MBOAT2: variants seen among roughly 807,000 people sequenced by gnomAD.
MBOAT2 encodes the protein membrane bound glycerophospholipid O-acyltransferase 2, also known as membrane-bound glycerophospholipid O-acyltransferase 2.
A neutral mutation model predicts 63.4 loss-of-function variants in MBOAT2; 28 were observed. That is an observed-to-expected ratio of 0.44 (90% CI 0.33 to 0.61). MBOAT2 has a LOEUF of 0.61. Ranked by LOEUF, MBOAT2 falls within the 20% of genes least tolerant of loss-of-function variation. MBOAT2 has a pLI of 0.03. For synonymous variants in MBOAT2, 211 were observed against 215.6 expected (o/e 0.98, Z 0.19); for missense variants, 470 against 605.8 (o/e 0.78, Z 2.35).
chr2:8,945,280 T>C (rs1315774547), intron 2 of MBOAT2, among the ~76,000 whole-genome samples: 1 of 152,174 alleles, frequency 6.6e-6, no homozygotes, highest in South Asian at 2.1e-4. Context: ...ACAACAAGCA[T>C]TCAGTTGCTT....
intron 4 of MBOAT2, among the ~76,000 whole-genome samples, chr2:8,901,349 C>T (rs1333267173): frequency 6.6e-6 from 1 of 152,136 alleles, no homozygotes; most frequent in Non-Finnish European, 1.5e-5. Context: ...GTGGCCCTTA[C>T]CGACGCATTC....
At chr2:8,911,028 G>T (rs1558604614) in intron 3 of MBOAT2, among the ~76,000 whole-genome samples, 1 of 152,196 alleles carries the variant, frequency 6.6e-6, no homozygotes, top group Non-Finnish European at 1.5e-5. Flanking sequence ...TCAAGGAACT[G>T]ATCACACATA....
intron 9 of MBOAT2, among the ~76,000 whole-genome samples, chr2:8,864,833 C>T (rs1434312176): frequency 2.0e-5 from 3 of 152,180 alleles, no homozygotes; most frequent in East Asian, 3.9e-4. Flanking sequence ...CATCTCCCAC[C>T]CTGTCTACTT....
intron 3 of MBOAT2, among the ~76,000 whole-genome samples, chr2:8,917,218 T>C (rs1332940708): frequency 6.6e-6 from 1 of 152,162 alleles, no homozygotes; most frequent in Non-Finnish European, 1.5e-5. Flanking sequence ...ACAGGTTTCT[T>C]AGTAAAAGAT....
At chr2:8,969,394 C>A (rs1403895471) in intron 1 of MBOAT2, among the ~76,000 whole-genome samples, 2 of 152,162 alleles carry the variant, frequency 1.3e-5, no homozygotes, top group East Asian at 1.9e-4. Flanking sequence ...AGAGGAACAA[C>A]CAGTACTAGC....
At chr2:8,878,323 A>G (rs978840196) in intron 6 of MBOAT2, among the ~76,000 whole-genome samples, 1 of 152,228 alleles carries the variant, frequency 6.6e-6, no homozygotes, top group Non-Finnish European at 1.5e-5. Context: ...TTTAAAAAAA[A>G]CAGCTGCATT....
chr2:8,988,262 A>C (rs140830608), intron 1 of MBOAT2, among the ~76,000 whole-genome samples: 14 of 152,320 alleles, frequency 9.2e-5, no homozygotes, highest in African/African-American at 3.1e-4. Context: ...GTCAGTGACC[A>C]TCTGATAGCC....
intron 1 of MBOAT2, among the ~76,000 whole-genome samples, chr2:9,001,470 T>C (rs1672685888): frequency 6.6e-6 from 1 of 152,196 alleles, no homozygotes; most frequent in Non-Finnish European, 1.5e-5. Flanking sequence ...ATAGGAATTG[T>C]TCAGCTCCAT....
Position 9,003,106 on chromosome 2 carries a change from C to A in MBOAT2, c.75+434G>T, listed in dbSNP as rs1039785036. Among the ~76,000 whole-genome samples the A allele has an allele frequency of 1.3e-5, 2 of 152,036 alleles. No homozygotes were observed. The highest frequency in any genetic ancestry group is 1.9e-4 in the East Asian group (1 of 5,158). ...TCCGGGGGTCGCTCAGAGGCGCGCG[C>A]GGGGCAGGCAGCACCACGCCAGGCT... On this transcript the variant is annotated intron_variant, in intron 1 of 12. Transcript: ENST00000305997. This position sits in a 1 kb window ranked among gnomAD's most constrained non-coding sequence, Gnocchi z 5.4.
At chr2:8,868,333 T>C in intron 9 of MBOAT2, 113 bp downstream of exon 9, 1 of 813,828 alleles carries the variant, frequency 1.2e-6, no homozygotes, top group Non-Finnish European at 2.0e-6. Context: ...AAAGAATGAG[T>C]GTTAATATTA....
In MBOAT2 at chr2:8,929,329, T is replaced by TTC; in HGVS notation, c.299+13857_299+13858insGA. Among the ~76,000 whole-genome samples the TTC allele has an allele frequency of 2.0e-5, 3 of 146,900 alleles. No homozygotes were observed. The South Asian group carries it at 6.4e-4, about 31-fold the overall frequency. ...CCATGGCTCTTACATTTTATTTATT[T>TTC]GTTCATTCATTCATTCATTCATTCA... On this transcript the variant is annotated intron_variant, in intron 3 of 12. Transcript: ENST00000305997.
chr2:8,917,928 A>C (rs1217347890), intron 3 of MBOAT2, among the ~76,000 whole-genome samples: 1 of 152,250 alleles, frequency 6.6e-6, no homozygotes, highest in East Asian at 1.9e-4. Flanking sequence ...AACAGGGATG[A>C]GTTTTTTAAA....
At chr2:8,902,445 C>T (rs769623287) in intron 4 of MBOAT2, among the ~76,000 whole-genome samples, 17 of 152,104 alleles carry the variant, frequency 1.1e-4, no homozygotes, top group African/African-American at 1.7e-4. Context: ...ATGGTGTGTC[C>T]GGAGTTTGTT....
intron 4 of MBOAT2, among the ~76,000 whole-genome samples, chr2:8,895,033 CTTCATGGTGAGTGTTACCGCCTCATAAA>C (rs1187846974): frequency 1.2e-4 from 18 of 152,350 alleles, no homozygotes; most frequent in African/African-American, 4.1e-4. Context: ...AGCTGCAGAC[CTTCATGGTGAGTGTTACCGCCTCATAAA>C]GGCGGTGGGG....
intron 3 of MBOAT2, among the ~76,000 whole-genome samples, chr2:8,909,426 C>G (rs898522585): frequency 6.6e-6 from 1 of 151,766 alleles, no homozygotes; most frequent in East Asian, 1.9e-4. Flanking sequence ...CATCTCACAC[C>G]GAAACAATTC....
chr2:8,863,745 C>G (rs951353409), intron 10 of MBOAT2, among the ~76,000 whole-genome samples: 20 of 152,102 alleles, frequency 1.3e-4, no homozygotes, highest in Admixed American at 5.9e-4. Context: ...GTTTGTTTCC[C>G]TTGCCTAACA....
chr2:8,946,594 G>A (rs552908305), intron 2 of MBOAT2, among the ~76,000 whole-genome samples: 12 of 152,242 alleles, frequency 7.9e-5, no homozygotes, highest in South Asian at 2.1e-4. Flanking sequence ...CCAATAGCAC[G>A]TGCTGAGACT....
intron 5 of MBOAT2, among the ~76,000 whole-genome samples, 164 bp downstream of exon 5, chr2:8,887,854 A>AAAGC (rs1365741459): frequency 1.3e-5 from 2 of 152,230 alleles, no homozygotes; most frequent in African/African-American, 4.8e-5. Context: ...GGAAAGCAAG[A>AAAGC]AAGCAAGCAT....
At chr2:8,985,391 AC>A (rs1671497689) in intron 1 of MBOAT2, among the ~76,000 whole-genome samples, 1 of 152,112 alleles carries the variant, frequency 6.6e-6, no homozygotes, top group Non-Finnish European at 1.5e-5. Context: ...AAAATGTGTG[AC>A]CCCCAAATAG....
Sources: gnomAD v4.1 joint callset for allele counts (sites outside exome capture counted in the v4.1 genomes callset) on GRCh38, gnomAD v4.1.1 for gene constraint, Gnocchi (gnomAD v3.1) non-coding constraint, MANE v1.5 for transcripts, NCBI Gene and HGNC (gene_info 2026-07-23, HGNC 2026-07-21) for gene names.